CSMD1: variants seen among roughly 807,000 people sequenced by gnomAD.
The protein encoded by CSMD1 is CUB and Sushi multiple domains 1.
A neutral mutation model predicts 417.5 loss-of-function variants in CSMD1; 213 were observed. The observed-to-expected ratio is 0.51, with a 90% CI of 0.46 to 0.57. CSMD1 has a LOEUF of 0.57. Ranked by LOEUF, CSMD1 falls within the 20% of genes least tolerant of loss-of-function variation. The pLI, the probability that CSMD1 is intolerant of heterozygous loss-of-function variation, is 0.00. For missense variants in CSMD1, 6,923 were observed against 4,529.7 expected (o/e 1.53, Z -15.17); for synonymous variants, 2,862 against 1,736.8 (o/e 1.65, Z -16.11).
intron 5 of CSMD1, among the ~76,000 whole-genome samples, chr8:3,881,332 A>C (rs1806189403): frequency 6.6e-6 from 1 of 151,398 alleles, no homozygotes; most frequent in East Asian, 1.9e-4. Context: ...CTGAATATAT[A>C]GATATATAAA....
intron 5 of CSMD1, among the ~76,000 whole-genome samples, chr8:3,892,988 A>G (rs892372518): frequency 1.3e-5 from 2 of 151,982 alleles, no homozygotes; most frequent in African/African-American, 4.8e-5. Flanking sequence ...ATATGACATA[A>G]CAATCATGGT....
chr8:4,848,791 G>T (rs377437522), intron 1 of CSMD1, among the ~76,000 whole-genome samples: 3 of 152,132 alleles, frequency 2.0e-5, no homozygotes, highest in African/African-American at 7.2e-5. Context: ...TGATTCGGCC[G>T]TCTCAGCCTT....
At chr8:4,843,145 G>T (rs912637539) in intron 1 of CSMD1, among the ~76,000 whole-genome samples, 2 of 152,220 alleles carry the variant, frequency 1.3e-5, no homozygotes, top group East Asian at 3.9e-4. Context: ...ATGCCCAAGG[G>T]TACACTACCA....
At chr8:4,146,554 G>A (rs117511017) in intron 3 of CSMD1, among the ~76,000 whole-genome samples, 3 of 143,418 alleles carry the variant, frequency 2.1e-5, no homozygotes, top group Middle Eastern at 3.8e-3. Flanking sequence ...TCCAGGGAAG[G>A]AAGCTCCATT....
chr8:4,879,205 G>T (rs999792644), intron 1 of CSMD1, among the ~76,000 whole-genome samples: 1 of 152,050 alleles, frequency 6.6e-6, no homozygotes, highest in East Asian at 1.9e-4. Flanking sequence ...CAGGCCAATG[G>T]CTGCAGCGTT....
intron 1 of CSMD1, among the ~76,000 whole-genome samples, chr8:4,824,112 T>A (rs1277381219): frequency 6.9e-6 from 1 of 144,240 alleles, no homozygotes; most frequent in Admixed American, 7.0e-5. Flanking sequence ...ACACACACAC[T>A]CTCCCTCTCA....
At chr8:3,991,699 T>A (rs1814764378) in intron 5 of CSMD1, among the ~76,000 whole-genome samples, 2 of 152,058 alleles carry the variant, frequency 1.3e-5, no homozygotes, top group African/African-American at 4.8e-5. Flanking sequence ...GAGAGTGGAG[T>A]GCCGACACAC....
At chr8:3,896,600 C>G (rs900757679) in intron 5 of CSMD1, among the ~76,000 whole-genome samples, 10 of 152,020 alleles carry the variant, frequency 6.6e-5, no homozygotes, top group Non-Finnish European at 1.5e-4. Context: ...CAAGCTCTGC[C>G]TCCCAGGTTC....
intron 4 of CSMD1, among the ~76,000 whole-genome samples, chr8:4,016,659 T>C (rs1297229404): frequency 2.0e-5 from 3 of 152,220 alleles, no homozygotes; most frequent in East Asian, 3.9e-4. Context: ...CAGGTTTGTC[T>C]TACTCTGTAA....
intron 49 of CSMD1, among the ~76,000 whole-genome samples, chr8:3,078,071 C>T (rs1813817900): frequency 6.6e-6 from 1 of 152,186 alleles, no homozygotes; most frequent in South Asian, 2.1e-4. Context: ...ACGCGAAGCA[C>T]ATTAAACTCC....
intron 3 of CSMD1, among the ~76,000 whole-genome samples, chr8:4,272,450 C>G (rs1016467425): frequency 6.6e-6 from 1 of 152,026 alleles, no homozygotes; most frequent in African/African-American, 2.4e-5. Context: ...CTATCTAAAA[C>G]CAGGATTCTA....
intron 3 of CSMD1, among the ~76,000 whole-genome samples, chr8:4,282,088 C>A (rs1032062260): frequency 3.9e-5 from 6 of 152,298 alleles, no homozygotes; most frequent in South Asian, 2.1e-4. Context: ...GGAAAACATT[C>A]TTTTATTAAT....
intron 10 of CSMD1, among the ~76,000 whole-genome samples, chr8:3,503,274 C>A (rs78084375): frequency 0.02 from 3,050 of 152,314 alleles, 75 homozygotes; most frequent in African/African-American, 0.054. Context: ...TTTAGCCCCA[C>A]ATATAAACAC....
At chr8:4,748,533 C>T (rs1168376440) in intron 1 of CSMD1, among the ~76,000 whole-genome samples, 2 of 152,220 alleles carry the variant, frequency 1.3e-5, no homozygotes, top group East Asian at 1.9e-4. Flanking sequence ...GTTCGTGAAA[C>T]GGTATTTATC....
intron 4 of CSMD1, among the ~76,000 whole-genome samples, chr8:4,017,190 A>G (rs1351068189): frequency 1.3e-5 from 2 of 152,196 alleles, no homozygotes; most frequent in East Asian, 1.9e-4. Context: ...CCTTCTAGAT[A>G]TCTTTTTTTA....
intron 3 of CSMD1, among the ~76,000 whole-genome samples, chr8:4,183,052 A>G (rs926496173): frequency 6.6e-6 from 1 of 152,196 alleles, no homozygotes; most frequent in Non-Finnish European, 1.5e-5. Flanking sequence ...TGTTATATGC[A>G]CAGATACCAC....
intron 5 of CSMD1, among the ~76,000 whole-genome samples, chr8:3,974,850 T>C (rs182603853): frequency 4.1e-4 from 62 of 152,246 alleles, no homozygotes; most frequent in African/African-American, 1.4e-3. Flanking sequence ...CAGAGTAAGA[T>C]ATAAAATCAG....
intron 31 of CSMD1, among the ~76,000 whole-genome samples, chr8:3,203,103 T>C (rs1048667475): frequency 3.3e-5 from 5 of 152,182 alleles, no homozygotes; most frequent in Non-Finnish European, 5.9e-5. Context: ...TCAAGAAATA[T>C]TTAGCTGACA....
At chr8:4,065,012 T>C (rs1267527906) in intron 3 of CSMD1, among the ~76,000 whole-genome samples, 1 of 152,156 alleles carries the variant, frequency 6.6e-6, no homozygotes, top group African/African-American at 2.4e-5. Context: ...ACTTAAGTTG[T>C]TCATTTTTAA....
Sources: gnomAD v4.1 joint callset for allele counts (sites outside exome capture counted in the v4.1 genomes callset) on GRCh38, gnomAD v4.1.1 for gene constraint, MANE v1.5 for transcripts, NCBI Gene and HGNC (gene_info 2026-07-23, HGNC 2026-07-21) for gene names.